Variants in ANK3 observed in about 807,000 individuals in gnomAD.
ANK3 encodes ankyrin 3.
ANK3 carries 57 observed loss-of-function variants against 370.9 expected under a neutral mutation model. That is an observed-to-expected ratio of 0.15 (90% confidence interval 0.12 to 0.19). The LOEUF (loss-of-function observed/expected upper bound fraction) is 0.19. ANK3 is among the 10% of genes least tolerant of loss of function. The pLI, the probability that ANK3 is intolerant of heterozygous loss-of-function variation, is 1.00. For missense variants in ANK3, 4,439 were observed against 5,302.1 expected, an observed-to-expected ratio of 0.84 and a Z score of 5.06; for synonymous variants, 1,929 against 1,946.3, an observed-to-expected ratio of 0.99 and a Z score of 0.23.
rs945243149 is a variant in ANK3, at chr10:60,028,132, T to TATC, written c.*1711_*1713dup. 5 of 152,366 alleles carry TATC rather than the reference T, an allele frequency of 3.3e-5. No individual in the cohort carries two copies. The highest frequency in any genetic ancestry group is 9.6e-5 in the African/African-American group (4 of 41,584). 9.4% of individuals were successfully genotyped at this position (152,366 alleles called of 1,614,324 possible). The stretch of plus-strand genomic sequence containing the variant: ...CAACTTTTTGACATGCTGGCTATAG[T>TATC]ATCTCCAATTCTTCACTTTTCAAGA... On this transcript the variant is annotated 3_prime_UTR_variant, in exon 44 of 44. Coordinates refer to ENST00000280772, the MANE Select transcript of ANK3 (RefSeq NM_020987.5).
chr10:60,611,106 A>G (rs560914211), intron 2 of ANK3, among the ~76,000 whole-genome samples: 6 of 152,310 alleles, frequency 3.9e-5, no homozygotes, highest in African/African-American at 1.4e-4. Flanking sequence ...CCATATGCAA[A>G]TATTTGCATT....
At chr10:60,130,912 T>C (rs2094027725) in intron 25 of ANK3, among the ~76,000 whole-genome samples, 1 of 152,206 alleles carries the variant, frequency 6.6e-6, no homozygotes, top group Non-Finnish European at 1.5e-5. Context: ...TTTGAAATTG[T>C]TCACACAAAT....
chr10:60,523,415 G>A (rs189571601), intron 2 of ANK3, among the ~76,000 whole-genome samples: 73 of 105,526 alleles, frequency 6.9e-4, no homozygotes, highest in Admixed American at 1.3e-3. Flanking sequence ...AACAGTCCCC[G>A]GAGTGTGATG....
chr10:60,375,393 T>C (rs2060639412), intron 1 of ANK3, among the ~76,000 whole-genome samples: 1 of 152,100 alleles, frequency 6.6e-6, no homozygotes, highest in African/African-American at 2.4e-5. Flanking sequence ...ACTGAACTTC[T>C]GCTGATGAAT....
chr10:60,531,584 T>C (rs927066104), intron 2 of ANK3, among the ~76,000 whole-genome samples: 7 of 152,074 alleles, frequency 4.6e-5, no homozygotes, highest in African/African-American at 7.2e-5. Flanking sequence ...TTAATTTTAA[T>C]ATTCATATAA....
At chr10:60,621,999 C>T (rs563713217) in intron 1 of ANK3, among the ~76,000 whole-genome samples, 98 of 152,086 alleles carry the variant, frequency 6.4e-4, no homozygotes, top group African/African-American at 2.1e-3. Context: ...TTCTAGAACA[C>T]GCAAACCTGA....
In ANK3 at chr10:60,533,687, G is replaced by C. The variant is rs75959904; in HGVS notation, c.96+81499C>G. Among the ~76,000 whole-genome samples, 10 of 152,208 alleles carry C rather than the reference G, an allele frequency of 6.6e-5. No individual in the cohort carries two copies. In the East Asian group the frequency reaches 1.9e-3, roughly 29 times the overall value. On this transcript the variant is annotated intron_variant, in intron 2 of 43. Coordinates refer to the ANK3 transcript ENST00000373827. Reference sequence around the variant, plus strand: ...TGAGCTGGGCCGAATTATTTTTAGGGAATAGCTGTCTTATATTCCAAAGGT... The same window carrying C: ...TGAGCTGGGCCGAATTATTTTTAGGCAATAGCTGTCTTATATTCCAAAGGT...
intron 1 of ANK3, among the ~76,000 whole-genome samples, chr10:60,342,574 A>G (rs1475991148): frequency 6.6e-6 from 1 of 152,176 alleles, no homozygotes; most frequent in Non-Finnish European, 1.5e-5. Context: ...ATCATGGATC[A>G]TACACATTAG....
At chr10:60,167,585 A>T (rs985529003) in intron 21 of ANK3, among the ~76,000 whole-genome samples, 2 of 152,166 alleles carry the variant, frequency 1.3e-5, no homozygotes, top group Non-Finnish European at 2.9e-5. Context: ...AAAATCTTAG[A>T]TTATATCCAT....
chr10:60,403,408 C>G (rs1194227056), intron 2 of ANK3, among the ~76,000 whole-genome samples: 1 of 152,078 alleles, frequency 6.6e-6, no homozygotes, highest in African/African-American at 2.4e-5. Context: ...ACATACACAC[C>G]CCAGACTGAT....
chr10:60,376,327 T>A (rs1429149645), intron 1 of ANK3, among the ~76,000 whole-genome samples: 1 of 152,176 alleles, frequency 6.6e-6, no homozygotes, highest in Non-Finnish European at 1.5e-5. Context: ...GGAAAACAGG[T>A]CAAAGCTGAG....
At chr10:60,484,108 C>T (rs12764668) in intron 2 of ANK3, among the ~76,000 whole-genome samples, 70,148 of 151,948 alleles carry the variant, frequency 0.46, 16,677 homozygotes, top group Middle Eastern at 0.56. Context: ...TAACATTCAC[C>T]ACCAATGATG....
intron 38 of ANK3, among the ~76,000 whole-genome samples, chr10:60,064,806 G>T (rs529078133): frequency 6.6e-6 from 1 of 152,276 alleles, no homozygotes; most frequent in South Asian, 2.1e-4. Context: ...GGGGTGCAGT[G>T]AGCTGAGATT....
chr10:60,225,988 A>C (rs1366777609), intron 8 of ANK3, among the ~76,000 whole-genome samples: 2 of 147,246 alleles, frequency 1.4e-5, no homozygotes, highest in Non-Finnish European at 3.0e-5. Context: ...AATATTACAA[A>C]TTGTAATTCC....
chr10:60,365,130 G>GA lies in ANK3; in HGVS notation c.114+24294dup, dbSNP rs199800931. ...TATTTATTGAAAAAAGGAAAGAATA[G>GA]AAAATGAGATGAGGGAAATGAAAAA... is the stretch of plus-strand genomic sequence containing the variant. On this transcript the variant is annotated intron_variant, in intron 1 of 43. Transcript: ENST00000280772. 2.1e-3 allele frequency among the ~76,000 whole-genome samples: 314 copies of GA among 148,380 alleles called. 5 individuals carry two copies. Among genetic ancestry groups the GA allele is most frequent in the African/African-American group, 7.1e-3 (290 of 40,750 alleles).
At chr10:60,592,617 A>G (rs1253386389) in intron 2 of ANK3, among the ~76,000 whole-genome samples, 1 of 152,118 alleles carries the variant, frequency 6.6e-6, no homozygotes, top group East Asian at 1.9e-4. Flanking sequence ...AAATTAAACT[A>G]GCCAGGCTTG....
intron 42 of ANK3, among the ~76,000 whole-genome samples, chr10:60,052,512 A>G: frequency 6.6e-6 from 1 of 152,350 alleles, no homozygotes; most frequent in Middle Eastern, 3.4e-3. Context: ...TAATGAAATT[A>G]GAATATAAAA....
At chr10:60,320,501 G>A (rs1044048738) in intron 1 of ANK3, among the ~76,000 whole-genome samples, 1 of 152,140 alleles carries the variant, frequency 6.6e-6, no homozygotes, top group Non-Finnish European at 1.5e-5. Context: ...AGGCTGAGGC[G>A]GGCATGAGAA....
chr10:60,313,427 A>C (rs2046770166), intron 1 of ANK3, among the ~76,000 whole-genome samples: 3 of 152,218 alleles, frequency 2.0e-5, no homozygotes, highest in Non-Finnish European at 4.4e-5. Flanking sequence ...GTAAGGAAAA[A>C]GTGCTGACTT....
Sources: gnomAD v4.1 joint callset for allele counts (sites outside exome capture counted in the v4.1 genomes callset) on GRCh38, gnomAD v4.1.1 for gene constraint, MANE v1.5 for transcripts, NCBI Gene and HGNC (gene_info 2026-07-23, HGNC 2026-07-21) for gene names.